The following EPCAM variants were observed in gnomAD, a reference collection of about 807,000 sequenced individuals.
The protein encoded by EPCAM is epithelial cell adhesion molecule.
Under a neutral mutation model 40.0 loss-of-function variants are expected in EPCAM, and 39 were observed. That is an observed-to-expected ratio of 0.98 (90% CI 0.76 to 1.27). The LOEUF (loss-of-function observed/expected upper bound fraction) is 1.27, where lower values mean the gene tolerates loss of function less well. EPCAM is among the 50% of genes most tolerant of loss of function. The pLI is 0.00. For synonymous variants in EPCAM, 168 were observed against 132.3 expected (o/e 1.27, Z -1.85); for missense variants, 503 against 381.2 (o/e 1.32, Z -2.66).
intron 8 of EPCAM, 33 bp downstream of exon 8, chr2:47,385,243 C>T (rs772635213): frequency 1.3e-6 from 2 of 1,557,796 alleles, no homozygotes; most frequent in African/African-American, 1.4e-5. Flanking sequence ...TAGAAAGGCC[C>T]TGTTGAATCT....
At chr2:47,378,656 A>G (rs532816916) in intron 5 of EPCAM, among the ~76,000 whole-genome samples, 1 of 152,150 alleles carries the variant, frequency 6.6e-6, no homozygotes, top group African/African-American at 2.4e-5. Context: ...TCCAAATAAA[A>G]TACTTTCATA....
chr2:47,374,592 C>T (rs1012013013), intron 3 of EPCAM, among the ~76,000 whole-genome samples: 3 of 151,952 alleles, frequency 2.0e-5, no homozygotes, highest in South Asian at 4.2e-4. Flanking sequence ...TCTGGAGCCT[C>T]GTTGTCAGTT....
At chr2:47,375,364 A>T in intron 4 of EPCAM, 65 bp downstream of exon 4, 2 of 1,057,208 alleles carry the variant, frequency 1.9e-6, no homozygotes, top group Non-Finnish European at 1.5e-6. Context: ...ATCCTACACC[A>T]TTAGAAAAAG....
At chr2:47,382,117 A>G (rs2103763175) in intron 7 of EPCAM, among the ~76,000 whole-genome samples, 1 of 152,288 alleles carries the variant, frequency 6.6e-6, no homozygotes, top group East Asian at 1.9e-4. Context: ...TTATATGGCA[A>G]AGAAACTGTA....
At chr2:47,385,266 C>T (rs891014601) in intron 8 of EPCAM, 56 bp downstream of exon 8, 6 of 1,363,666 alleles carry the variant, frequency 4.4e-6, no homozygotes, top group Admixed American at 1.7e-5. Context: ...TACTCCTAAT[C>T]ACTCTACCTT....
intron 7 of EPCAM, among the ~76,000 whole-genome samples, chr2:47,383,895 C>T (rs1261445393): frequency 4.6e-5 from 7 of 151,648 alleles, no homozygotes; most frequent in Admixed American, 4.6e-4. Flanking sequence ...CTTCGGCCTC[C>T]CAAAGTGCTG....
At chr2:47,374,767 C>G (rs548035908) in intron 3 of EPCAM, among the ~76,000 whole-genome samples, 65 of 152,202 alleles carry the variant, frequency 4.3e-4, no homozygotes, top group African/African-American at 1.5e-3. Context: ...CCTTAGCCTC[C>G]TGAGTAGCTG....
chr2:47,386,469 T>C (rs1671744534), intron 8 of EPCAM, 103 bp from the exon 9 acceptor site: 2 of 866,540 alleles, frequency 2.3e-6, no homozygotes, highest in Non-Finnish European at 3.6e-6. Flanking sequence ...GAAAAAATTA[T>C]CTTGTGTTCC....
chr2:47,382,098 T>G (rs1671608871), intron 7 of EPCAM, among the ~76,000 whole-genome samples: 1 of 152,048 alleles, frequency 6.6e-6, no homozygotes. Flanking sequence ...TTCATTAAAA[T>G]TAAGCATTTT....
rs770367836 is a variant in EPCAM, at chr2:47,373,858, G to A, written c.235G>A (p.Gly79Arg). The stretch of plus-strand genomic sequence containing the variant: ...GGCAGAAATGAATGGCTCAAAACTT[G>A]GGAGAAGAGCAAAACCTGAAGGGGC... ...MKAEMNGSKL[G>R]RRAKPEGALQ... is the part of the protein sequence containing the mutation. The change falls in exon 3 of 9, where the codon GGG (glycine) becomes AGG (arginine). Residue 79 changes from glycine to arginine, a missense_variant. Coordinates refer to ENST00000263735, the MANE Select transcript of EPCAM (RefSeq NM_002354.3). 6.2e-6 allele frequency: 10 copies of A among 1,613,898 alleles called. No individual in the cohort carries two copies. The highest frequency in any genetic ancestry group is 1.7e-6 in the Non-Finnish European group (2 of 1,180,010).
chr2:47,381,217 A>G (rs568917261), intron 7 of EPCAM, among the ~76,000 whole-genome samples: 12 of 151,030 alleles, frequency 7.9e-5, no homozygotes, highest in African/African-American at 2.9e-4. Flanking sequence ...ACCAACGTGG[A>G]GAAACCCCAT....
intron 7 of EPCAM, among the ~76,000 whole-genome samples, chr2:47,381,482 A>C (rs1671587399): frequency 6.6e-6 from 1 of 152,100 alleles, no homozygotes; most frequent in Admixed American, 6.6e-5. Flanking sequence ...TTTCCAGTTC[A>C]ATCAACCATG....
rs765651302 is a variant in EPCAM, at chr2:47,373,231, A to AAAC, written c.77-230_77-229insCAA. On this transcript the variant is annotated intron_variant, in intron 1 of 8. Coordinates refer to ENST00000263735, the MANE Select transcript of EPCAM (RefSeq NM_002354.3). The stretch of plus-strand genomic sequence containing the variant: ...AAAAAAAAAAAAAAAAAAAAAAAAA[A>AAAC]AAAACAGGAATGCATGCAGATTAAA... 0.054 allele frequency among the ~76,000 whole-genome samples: 7,363 copies of AAAC among 137,182 alleles called. 400 individuals carry two copies. Among genetic ancestry groups the AAAC allele is most frequent in the East Asian group, 0.1 (444 of 4,410 alleles). The allele number at this position is 137,182 out of a possible 152,430, so 90.0% of individuals were successfully genotyped here. A position where few individuals can be genotyped will look rare whatever the true frequency, so the allele number is the denominator to read the frequency against.
In EPCAM at chr2:47,386,761, T is replaced by C. The variant is rs1671752649; in HGVS notation, c.*148T>C. The C allele has an allele frequency of 3.3e-6, 2 of 601,276 alleles. No individual in the cohort carries two copies. Among genetic ancestry groups the C allele is most frequent in the Admixed American group, 5.8e-5 (2 of 34,764 alleles). The allele number at this position is 601,276 out of a possible 1,614,324, so 37.2% of individuals were successfully genotyped here. On this transcript the variant is annotated 3_prime_UTR_variant, in exon 9 of 9. Transcript: ENST00000263735. ...GTAATAGTGAAACCTGTACTCAAAA[T>C]ATAAGCAGCTTGAAACTGGCTTTAC... is the stretch of plus-strand genomic sequence containing the variant.
In EPCAM at chr2:47,386,179, G is replaced by A. The variant is rs572921474; in HGVS notation, c.904-393G>A. 3.1e-4 allele frequency among the ~76,000 whole-genome samples: 47 copies of A among 152,296 alleles called. No individual in the cohort carries two copies. In the East Asian group the frequency reaches 5.8e-3, roughly 19 times the overall value. On this transcript the variant is annotated intron_variant, in intron 8 of 8. Coordinates refer to ENST00000263735, the MANE Select transcript of EPCAM (RefSeq NM_002354.3). Reference sequence around the variant, plus strand: ...TCATTATCATTGTCTCAGTTTGCCTGTAACTAGTTGTGTGATCTGAGACAA... The same window carrying A: ...TCATTATCATTGTCTCAGTTTGCCTATAACTAGTTGTGTGATCTGAGACAA...
Position 47,379,039 on chromosome 2 carries a change from T to C in EPCAM, c.642T>C (p.Tyr214=). 2 of 1,579,080 alleles carry C rather than the reference T, an allele frequency of 1.3e-6. No individual in the cohort carries two copies. The highest frequency in any genetic ancestry group is 1.7e-6 in the Non-Finnish European group (2 of 1,148,260). ...QNDVDIADVA[Y]YFEKDVKGES... is the part of the protein sequence containing the mutation. ...ATGTGGACATAGCTGATGTGGCTTATTATTTTGAAAAAGATGTGAGTATCA... is the reference window on the plus strand; with the variant it reads ...ATGTGGACATAGCTGATGTGGCTTACTATTTTGAAAAAGATGTGAGTATCA... Residue 214 remains tyrosine (Y), a synonymous_variant, in exon 6 of 9, where the codon TAT becomes TAC. Transcript: ENST00000263735.
At position 47,385,062 on chromosome 2, in the gene EPCAM, T is replaced by C. The variant is rs151176002; in HGVS notation, c.859-104T>C. 13 of 922,286 alleles carry C rather than the reference T, an allele frequency of 1.4e-5. No homozygotes were observed. The Admixed American group carries it at 1.8e-4, about 13-fold the overall frequency. 57.1% of individuals were successfully genotyped at this position (922,286 alleles called of 1,614,324 possible). A position where few individuals can be genotyped will look rare whatever the true frequency, so the allele number is the denominator to read the frequency against. On this transcript the variant is annotated intron_variant, in intron 7 of 8. Coordinates refer to ENST00000263735, the MANE Select transcript of EPCAM (RefSeq NM_002354.3). ...TTATGGATAGATGTTAAAATTAGTT[T>C]TTTTTCAGATCAAAATTATGTCCAT...
intron 4 of EPCAM, among the ~76,000 whole-genome samples, 178 bp from the exon 5 acceptor site, chr2:47,376,836 A>C (rs1374542903): frequency 1.3e-5 from 2 of 152,242 alleles, no homozygotes; most frequent in Non-Finnish European, 2.9e-5. Flanking sequence ...CAGCAGTTTG[A>C]ATATCAATGG....
At chr2:47,380,020 A>G (rs1671542464) in intron 7 of EPCAM, 51 bp downstream of exon 7, 2 of 1,560,088 alleles carry the variant, frequency 1.3e-6, no homozygotes, top group Admixed American at 1.9e-5. Flanking sequence ...TTTTCAAGAA[A>G]AAGTAATAGT....
Sources: gnomAD v4.1 joint callset for allele counts (sites outside exome capture counted in the v4.1 genomes callset) on GRCh38, gnomAD v4.1.1 for gene constraint, MANE v1.5 for transcripts, NCBI Gene and HGNC (gene_info 2026-07-23, HGNC 2026-07-21) for gene names.